The following TTC27 variants were observed in gnomAD, a reference collection of about 807,000 sequenced individuals.
The protein encoded by TTC27 is tetratricopeptide repeat protein 27.
TTC27 carries 79 observed loss-of-function variants against 115.9 expected under a neutral mutation model. The observed-to-expected ratio is 0.68, with a 90% CI of 0.57 to 0.82. The LOEUF is 0.82. Among genes scored for constraint, TTC27 ranks in the 40% least tolerant of loss-of-function variants. TTC27 has a pLI of 0.00. For missense variants in TTC27, 1,054 were observed against 993.1 expected, an observed-to-expected ratio of 1.06 and a Z score of -0.82; for synonymous variants, 401 against 356.0, an observed-to-expected ratio of 1.13 and a Z score of -1.42.
intron 10 of TTC27, among the ~76,000 whole-genome samples, chr2:32,723,700 C>T (rs1230176200): frequency 3.5e-5 from 2 of 57,758 alleles, no homozygotes; most frequent in East Asian, 3.4e-4. Context: ...TCCTTCCTCC[C>T]TCCCTCCCTC....
At chr2:32,633,828 A>C (rs1664308717) in intron 2 of TTC27, 48 bp from the exon 3 acceptor site, 22 of 1,572,980 alleles carry the variant, frequency 1.4e-5, no homozygotes, top group Non-Finnish European at 1.9e-5. Flanking sequence ...TTGAGATTAT[A>C]CAGTGATAGT....
At chr2:32,730,555 AAAAG>A (rs1215029001) in intron 10 of TTC27, among the ~76,000 whole-genome samples, 1 of 152,164 alleles carries the variant, frequency 6.6e-6, no homozygotes, top group Non-Finnish European at 1.5e-5. Flanking sequence ...ATTAAAAAAA[AAAAG>A]AGTACTTTGG....
intron 14 of TTC27, among the ~76,000 whole-genome samples, chr2:32,781,940 G>T (rs1431265974): frequency 1.3e-5 from 2 of 152,130 alleles, no homozygotes; most frequent in Non-Finnish European, 2.9e-5. Context: ...TACTAATTTT[G>T]CCAAGTCTGG....
chr2:32,761,391 T>C (rs779231828), intron 13 of TTC27, among the ~76,000 whole-genome samples: 2 of 152,228 alleles, frequency 1.3e-5, no homozygotes, highest in Non-Finnish European at 2.9e-5. Flanking sequence ...TTGGTCTTCC[T>C]GCCTTTCTCC....
At chr2:32,779,447 T>C (rs1260590400) in intron 14 of TTC27, among the ~76,000 whole-genome samples, 1 of 152,200 alleles carries the variant, frequency 6.6e-6, no homozygotes, top group African/African-American at 2.4e-5. Flanking sequence ...ATATCCTCTT[T>C]GGAAATGTCT....
chr2:32,629,936 G>C (rs1479423571), intron 1 of TTC27, among the ~76,000 whole-genome samples: 1 of 152,178 alleles, frequency 6.6e-6, no homozygotes, highest in African/African-American at 2.4e-5. Context: ...GGTGCTTCCA[G>C]TGACAGGAAG....
At chr2:32,712,302 C>G (rs1345803356) in intron 10 of TTC27, among the ~76,000 whole-genome samples, 1 of 152,182 alleles carries the variant, frequency 6.6e-6, no homozygotes, top group Non-Finnish European at 1.5e-5. Context: ...TAAAAACACC[C>G]TGTCTTCTGA....
chr2:32,700,546 A>T (rs939849126), intron 9 of TTC27, among the ~76,000 whole-genome samples: 2 of 150,514 alleles, frequency 1.3e-5, no homozygotes, highest in Non-Finnish European at 3.0e-5. Context: ...TGAAAAAAAA[A>T]TTTTTTTTTT....
intron 16 of TTC27, among the ~76,000 whole-genome samples, chr2:32,798,713 A>AAAAAAAATAATAAT (rs1368512271): frequency 7.0e-6 from 1 of 142,348 alleles, no homozygotes; most frequent in African/African-American, 2.7e-5. Context: ...TCAAAAAAAA[A>AAAAAAAATAATAAT]AATAATAATA....
intron 4 of TTC27, among the ~76,000 whole-genome samples, chr2:32,646,863 T>C (rs1222767689): frequency 6.6e-6 from 1 of 152,026 alleles, no homozygotes; most frequent in Non-Finnish European, 1.5e-5. Context: ...GCGCCCGGCC[T>C]CTATATTTGT....
chr2:32,789,488 T>C (rs1490867647), intron 16 of TTC27, among the ~76,000 whole-genome samples: 4 of 152,208 alleles, frequency 2.6e-5, no homozygotes, highest in Admixed American at 6.5e-5. Context: ...ACAGTGGTAT[T>C]ATAGATACCA....
intron 5 of TTC27, among the ~76,000 whole-genome samples, chr2:32,652,379 A>G (rs376999396): frequency 6.6e-6 from 1 of 151,840 alleles, no homozygotes; most frequent in South Asian, 2.1e-4. Flanking sequence ...TCAAAAAAAT[A>G]TATAAATAAA....
chr2:32,704,760 C>T lies in TTC27; in HGVS notation c.1233+1840C>T, dbSNP rs559098538. 409 of 425,162 alleles carry T rather than the reference C, an allele frequency of 9.6e-4. 1 individual carries two copies. Among genetic ancestry groups the T allele is most frequent in the Non-Finnish European group, 1.6e-3 (319 of 203,284 alleles). The allele number at this position is 425,162 out of a possible 1,614,324, so 26.3% of individuals were successfully genotyped here. ...TGGGCTAGTTATTTTGGAGACTGCC[C>T]TTCAGTTTGAGTTTGTCTGATGTTT... is the stretch of plus-strand genomic sequence containing the variant. On this transcript the variant is annotated intron_variant, in intron 10 of 19. Transcript: ENST00000317907.
At chr2:32,681,640 G>A (rs1196869201) in intron 9 of TTC27, among the ~76,000 whole-genome samples, 1 of 138,510 alleles carries the variant, frequency 7.2e-6, no homozygotes, top group Non-Finnish European at 1.5e-5. Flanking sequence ...AATTATATGA[G>A]ATATTCAGCT....
At chr2:32,794,579 A>G (rs938056930) in intron 16 of TTC27, among the ~76,000 whole-genome samples, 1 of 152,136 alleles carries the variant, frequency 6.6e-6, no homozygotes, top group African/African-American at 2.4e-5. Flanking sequence ...GAAAATAAGA[A>G]TAAAGATTAG....
intron 10 of TTC27, among the ~76,000 whole-genome samples, chr2:32,725,873 G>T (rs1668091743): frequency 6.6e-6 from 1 of 152,294 alleles, no homozygotes; most frequent in Non-Finnish European, 1.5e-5. Flanking sequence ...TGAAATCTAG[G>T]CAGAGGTTCT....
intron 16 of TTC27, among the ~76,000 whole-genome samples, chr2:32,791,621 G>A (rs1670540240): frequency 6.6e-6 from 1 of 152,220 alleles, no homozygotes; most frequent in Non-Finnish European, 1.5e-5. Context: ...CTTGAAGTCT[G>A]TGGGGGAAGA....
intron 13 of TTC27, among the ~76,000 whole-genome samples, chr2:32,767,709 C>T (rs1172701490): frequency 1.3e-5 from 2 of 151,946 alleles, no homozygotes; most frequent in African/African-American, 4.8e-5. Context: ...GATCCACCCG[C>T]CTCGGCCTCC....
At chr2:32,664,232 G>A in intron 5 of TTC27, 71 bp from the exon 6 acceptor site, 1 of 1,338,612 alleles carries the variant, frequency 7.5e-7, no homozygotes. Flanking sequence ...ATGTATTATA[G>A]ACTCTATTTT....
Sources: gnomAD v4.1 joint callset for allele counts (sites outside exome capture counted in the v4.1 genomes callset) on GRCh38, gnomAD v4.1.1 for gene constraint, MANE v1.5 for transcripts, NCBI Gene and HGNC (gene_info 2026-07-23, HGNC 2026-07-21) for gene names.